Variants in COL4A6 observed in about 807,000 individuals in gnomAD.
COL4A6 encodes collagen alpha-6(IV) chain.
COL4A6 carries 59 observed loss-of-function variants against 126.7 expected under a neutral mutation model. The observed-to-expected ratio is 0.47, with a 90% CI of 0.38 to 0.58. The LOEUF is 0.58. Among genes scored for constraint, COL4A6 ranks in the 20% least tolerant of loss-of-function variants. COL4A6 has a pLI of 0.00. For missense variants in COL4A6, 1,285 were observed against 1,337.3 expected, an observed-to-expected ratio of 0.96 and a Z score of 0.61; for synonymous variants, 547 against 496.6, an observed-to-expected ratio of 1.10 and a Z score of -1.35.
intron 4 of COL4A6, among the ~76,000 whole-genome samples, chrX:108,220,595 C>T (rs375712925): frequency 1.8e-5 from 2 of 112,288 alleles, no homozygotes; most frequent in Non-Finnish European, 3.8e-5. Flanking sequence ...AGCACTCTGA[C>T]CCCTTTCTTC....
chrX:108,342,516 A>T (rs984261996), intron 2 of COL4A6, among the ~76,000 whole-genome samples: 1 of 111,602 alleles, frequency 9.0e-6, no homozygotes, highest in Non-Finnish European at 1.9e-5. Flanking sequence ...AGGGCCAGGT[A>T]ACCTTCCTCT....
Position 108,156,880 on chromosome X carries a change from T to C in COL4A6, c.*120A>G, listed in dbSNP as rs954122672. On this transcript the variant is annotated 3_prime_UTR_variant, in exon 45 of 45. Coordinates refer to ENST00000334504, the MANE Select transcript of COL4A6 (RefSeq NM_033641.4). Reference sequence around the variant, plus strand: ...TCCGGTAGTCTAGCCCAAATGAGACTCCAATGTACAACTTGACAGGCAAAG... The same window carrying C: ...TCCGGTAGTCTAGCCCAAATGAGACCCCAATGTACAACTTGACAGGCAAAG... The C allele has an allele frequency of 1.2e-5, 9 of 755,692 alleles. No individual in the cohort carries two copies. In the African/African-American group the frequency reaches 1.9e-4, roughly 16 times the overall value. The allele number at this position is 755,692 out of a possible 1,213,427, so 62.3% of individuals were successfully genotyped here. A position where few individuals can be genotyped will look rare whatever the true frequency, so the allele number is the denominator to read the frequency against.
chrX:108,322,337 G>A (rs1181390871), intron 2 of COL4A6, among the ~76,000 whole-genome samples: 1 of 112,036 alleles, frequency 8.9e-6, no homozygotes, highest in African/African-American at 3.2e-5. Context: ...ATCTGTGGGA[G>A]CTGGCTTCCT....
chrX:108,339,507 A>G (rs965673640), intron 2 of COL4A6, among the ~76,000 whole-genome samples: 4 of 110,935 alleles, frequency 3.6e-5, no homozygotes, highest in Non-Finnish European at 7.6e-5. Flanking sequence ...ACCCTCCCAA[A>G]CTTTGATAGC....
chrX:108,277,707 CT>C (rs1273267494), intron 3 of COL4A6, among the ~76,000 whole-genome samples: 1 of 112,282 alleles, frequency 8.9e-6, no homozygotes, highest in African/African-American at 3.2e-5. Flanking sequence ...TCCCTGACCC[CT>C]GACCCCCGAG....
chrX:108,313,987 G>A (rs1285014197), intron 2 of COL4A6, among the ~76,000 whole-genome samples: 1 of 111,684 alleles, frequency 9.0e-6, no homozygotes, highest in African/African-American at 3.3e-5. Context: ...TTTATTTACT[G>A]GGCAGTTTTA....
At chrX:108,377,899 G>A (rs1275284315) in intron 2 of COL4A6, among the ~76,000 whole-genome samples, 3 of 83,675 alleles carry the variant, frequency 3.6e-5, no homozygotes, top group African/African-American at 4.8e-5. Context: ...CCGAGATCAC[G>A]CCACTGCACT....
intron 44 of COL4A6, among the ~76,000 whole-genome samples, 181 bp from the exon 45 acceptor site, chrX:108,157,441 T>G (rs776991747): frequency 3.9e-3 from 436 of 111,273 alleles, no homozygotes; most frequent in Non-Finnish European, 6.8e-3. Flanking sequence ...GGGCTGCTTG[T>G]CCTCCCTCAT....
At chrX:108,258,355 C>G (rs947143184) in intron 3 of COL4A6, among the ~76,000 whole-genome samples, 1 of 112,140 alleles carries the variant, frequency 8.9e-6, no homozygotes, top group Non-Finnish European at 1.9e-5. Context: ...TGGCAAAAGA[C>G]AAGCCAGTCT....
intron 20 of COL4A6, among the ~76,000 whole-genome samples, chrX:108,189,284 AT>A (rs1277826816): frequency 1.8e-5 from 2 of 112,210 alleles, no homozygotes; most frequent in Non-Finnish European, 3.8e-5. Flanking sequence ...TGTTCTTCAG[AT>A]TAGTGTTTCT....
intron 4 of COL4A6, 88 bp from the exon 5 acceptor site, chrX:108,219,830 C>T (rs1245571064): frequency 3.8e-6 from 3 of 791,567 alleles, no homozygotes; most frequent in Non-Finnish European, 5.7e-6. Flanking sequence ...CAATGGCCTA[C>T]ATTTTTAAGA....
At chrX:108,390,379 A>T (rs2040808782) in intron 2 of COL4A6, among the ~76,000 whole-genome samples, 1 of 110,523 alleles carries the variant, frequency 9.0e-6, no homozygotes, top group African/African-American at 3.3e-5. Flanking sequence ...TCAAACATAG[A>T]TTTGGTCTTT....
chrX:108,415,366 T>C (rs1427326945), intron 2 of COL4A6, among the ~76,000 whole-genome samples: 2 of 111,945 alleles, frequency 1.8e-5, no homozygotes, highest in Non-Finnish European at 3.8e-5. Flanking sequence ...ACAGGAAGCT[T>C]GTATTAGAGG....
intron 3 of COL4A6, among the ~76,000 whole-genome samples, chrX:108,246,585 T>C (rs1207293285): frequency 8.9e-6 from 1 of 111,992 alleles, no homozygotes. Context: ...ATCTATGATA[T>C]AGACTTCCAG....
Position 108,160,629 on chromosome X carries a change from G to A in COL4A6, c.4359C>T (p.Phe1453=), listed in dbSNP as rs139555294. ...TCTGGCCAGGCATTCCAGGCATCCC[G>A]AAGGGGCCTTGCTGCCCTGGAGCTC... ...FEGAPGQQGP[F]GMPGMPGQSM... Residue 1453 remains phenylalanine (F), a synonymous_variant, in exon 43 of 45, where the codon TTC becomes TTT. Transcript: ENST00000334504. 102 of 1,207,786 alleles carry A rather than the reference G, an allele frequency of 8.4e-5. No homozygotes were observed. In the African/African-American group the frequency reaches 1.6e-3, roughly 19 times the overall value.
chrX:108,188,083 T>A (rs187219434), intron 21 of COL4A6, 56 bp from the exon 22 acceptor site: 1 of 1,013,303 alleles, frequency 9.9e-7, no homozygotes, highest in East Asian at 3.1e-5. Context: ...TTCATAGAAT[T>A]CCGGCACCTA....
intron 8 of COL4A6, among the ~76,000 whole-genome samples, chrX:108,207,737 T>C (rs2035589544): frequency 9.0e-6 from 1 of 111,582 alleles, no homozygotes; most frequent in Non-Finnish European, 1.9e-5. Flanking sequence ...ATTTACATTG[T>C]ATTAGGTATT....
chrX:108,270,619 GT>G (rs2037423141), intron 3 of COL4A6, among the ~76,000 whole-genome samples: 1 of 112,252 alleles, frequency 8.9e-6, no homozygotes, highest in African/African-American at 3.2e-5. Flanking sequence ...TTTGGAGTGG[GT>G]TGTTACATGG....
chrX:108,318,900 A>C (rs1349628674), intron 2 of COL4A6, among the ~76,000 whole-genome samples: 2 of 112,476 alleles, frequency 1.8e-5, no homozygotes, highest in Admixed American at 9.4e-5. Flanking sequence ...TTTGTCTAGC[A>C]ACTCCACTAT....
Sources: gnomAD v4.1 joint callset for allele counts (sites outside exome capture counted in the v4.1 genomes callset) on GRCh38, gnomAD v4.1.1 for gene constraint, MANE v1.5 for transcripts, NCBI Gene and HGNC (gene_info 2026-07-23, HGNC 2026-07-21) for gene names.